PTPRD: variants seen among roughly 807,000 people sequenced by gnomAD.
PTPRD encodes receptor-type tyrosine-protein phosphatase delta.
Under a neutral mutation model 214.5 loss-of-function variants are expected in PTPRD, and 34 were observed. That is an observed-to-expected ratio of 0.16 (90% CI 0.12 to 0.21). The LOEUF is 0.21. Among genes scored for constraint, PTPRD ranks in the 10% least tolerant of loss-of-function variants. The pLI is 1.00. For missense variants in PTPRD, 2,545 were observed against 2,398.7 expected (o/e 1.06, Z -1.27); for synonymous variants, 1,128 against 845.7 (o/e 1.33, Z -5.79).
chr9:10,013,334 T>G (rs1338359530), intron 4 of PTPRD, among the ~76,000 whole-genome samples: 1 of 151,928 alleles, frequency 6.6e-6, no homozygotes, highest in Non-Finnish European at 1.5e-5. Flanking sequence ...TAAAATTAAA[T>G]TTGTATTCAA....
At chr9:10,052,174 T>C (rs1028431360) in intron 3 of PTPRD, among the ~76,000 whole-genome samples, 3 of 152,094 alleles carry the variant, frequency 2.0e-5, no homozygotes, top group Non-Finnish European at 2.9e-5. Flanking sequence ...AAACTGTTAT[T>C]ATTTACATTG....
chr9:8,485,376 C>A (rs1317826850), intron 28 of PTPRD, 52 bp from the exon 29 acceptor site: 9 of 1,293,598 alleles, frequency 7.0e-6, no homozygotes, highest in Non-Finnish European at 1.0e-5. Flanking sequence ...AACAGATGAC[C>A]TGTCCTTTCC....
intron 5 of PTPRD, among the ~76,000 whole-genome samples, chr9:9,876,659 A>G (rs1339456087): frequency 6.6e-6 from 1 of 152,306 alleles, no homozygotes; most frequent in Admixed American, 6.5e-5. Flanking sequence ...CCTTGGCAGC[A>G]TCTCCTTTTT....
chr9:9,703,604 AAAT>A (rs2097542284), intron 7 of PTPRD, among the ~76,000 whole-genome samples: 1 of 152,138 alleles, frequency 6.6e-6, no homozygotes, highest in South Asian at 2.1e-4. Context: ...ATATTAATTT[AAAT>A]AATATTATTA....
At chr9:9,490,403 T>A (rs1049983492) in intron 8 of PTPRD, among the ~76,000 whole-genome samples, 3 of 152,108 alleles carry the variant, frequency 2.0e-5, no homozygotes, top group African/African-American at 7.2e-5. Context: ...TTTGTCGCTT[T>A]CCACACAATT....
chr9:8,635,973 C>G (rs1003469870), intron 13 of PTPRD, among the ~76,000 whole-genome samples: 2 of 152,172 alleles, frequency 1.3e-5, no homozygotes, highest in African/African-American at 2.4e-5. Flanking sequence ...CTGCACTGAG[C>G]TCTCCTGAAT....
chr9:8,783,901 G>C (rs2095838546), intron 11 of PTPRD, among the ~76,000 whole-genome samples: 1 of 152,108 alleles, frequency 6.6e-6, no homozygotes, highest in Admixed American at 6.6e-5. Flanking sequence ...TACCCCTTCA[G>C]TGCTATACAT....
chr9:10,083,775 C>T (rs889179974), intron 3 of PTPRD, among the ~76,000 whole-genome samples: 42 of 151,904 alleles, frequency 2.8e-4, no homozygotes, highest in African/African-American at 8.5e-4. Context: ...AAGGAGCACG[C>T]GACCTAGATC....
At chr9:8,816,530 C>A (rs1455066537) in intron 11 of PTPRD, among the ~76,000 whole-genome samples, 4 of 152,292 alleles carry the variant, frequency 2.6e-5, no homozygotes, top group Middle Eastern at 6.8e-3. Context: ...TAAAGGAAAT[C>A]ATTCTTCCAT....
intron 2 of PTPRD, among the ~76,000 whole-genome samples, chr9:10,565,014 T>G (rs557544617): frequency 6.6e-6 from 1 of 152,128 alleles, no homozygotes; most frequent in African/African-American, 2.4e-5. Context: ...CCTCTAATTT[T>G]CTAATCAATT....
At position 10,482,081 on chromosome 9, in the gene PTPRD, AC is replaced by A. The variant is rs749625944; in HGVS notation, c.-600+130316del. ...AAATGAAGAAAATAAGATAAAAAAA[AC>A]AAATGTTGGCCGGGCGCGGTGGCTC... On this transcript the variant is annotated intron_variant, in intron 2 of 45. Coordinates refer to ENST00000381196, the MANE Select transcript of PTPRD (RefSeq NM_002839.4). 4.6e-5 allele frequency among the ~76,000 whole-genome samples: 7 copies of A among 152,200 alleles called. No individual in the cohort carries two copies. The South Asian group carries it at 8.3e-4, about 18-fold the overall frequency.
At chr9:9,571,083 A>T (rs1431544315) in intron 8 of PTPRD, among the ~76,000 whole-genome samples, 1 of 151,456 alleles carries the variant, frequency 6.6e-6, no homozygotes, top group Non-Finnish European at 1.5e-5. Flanking sequence ...CAAACATTCT[A>T]AGAACGTATT....
intron 2 of PTPRD, among the ~76,000 whole-genome samples, chr9:10,363,023 A>T (rs1037528733): frequency 4.6e-5 from 7 of 152,234 alleles, no homozygotes; most frequent in African/African-American, 1.7e-4. Context: ...GTAAGTTTAT[A>T]TCAGAAATTC....
chr9:8,575,767 G>A (rs201924486), intron 14 of PTPRD, among the ~76,000 whole-genome samples: 1 of 152,086 alleles, frequency 6.6e-6, no homozygotes, highest in Non-Finnish European at 1.5e-5. Context: ...AAAACAAATG[G>A]GAAATTGTGC....
intron 5 of PTPRD, among the ~76,000 whole-genome samples, chr9:9,875,583 T>C (rs2066617541): frequency 2.0e-5 from 3 of 152,114 alleles, no homozygotes; most frequent in African/African-American, 7.2e-5. Context: ...TTAGAATTAT[T>C]AAATTATCTA....
intron 4 of PTPRD, among the ~76,000 whole-genome samples, chr9:10,015,703 G>C (rs1006587255): frequency 6.6e-6 from 1 of 152,240 alleles, no homozygotes; most frequent in South Asian, 2.1e-4. Flanking sequence ...AGAAGGAAGA[G>C]GAGTAGCAGA....
chr9:9,556,020 C>T (rs2081431885), intron 8 of PTPRD, among the ~76,000 whole-genome samples: 1 of 151,904 alleles, frequency 6.6e-6, no homozygotes, highest in African/African-American at 2.4e-5. Flanking sequence ...TGTGGGGGAC[C>T]CCACAGGTAG....
intron 43 of PTPRD, among the ~76,000 whole-genome samples, chr9:8,333,390 T>C (rs570762662): frequency 5.9e-5 from 9 of 152,234 alleles, no homozygotes; most frequent in African/African-American, 1.9e-4. Context: ...CCTGACTTCA[T>C]TTAAAGGTTA....
At chr9:9,137,510 T>A (rs2099852765) in intron 10 of PTPRD, among the ~76,000 whole-genome samples, 1 of 152,156 alleles carries the variant, frequency 6.6e-6, no homozygotes, top group Admixed American at 6.5e-5. Flanking sequence ...ACCCCCCTCT[T>A]AATATCTCCA....
Sources: gnomAD v4.1 joint callset for allele counts (sites outside exome capture counted in the v4.1 genomes callset) on GRCh38, gnomAD v4.1.1 for gene constraint, MANE v1.5 for transcripts, NCBI Gene and HGNC (gene_info 2026-07-23, HGNC 2026-07-21) for gene names.